Variants in RBFOX3 observed in about 807,000 individuals in gnomAD.
The protein encoded by RBFOX3 is RNA binding fox-1 homolog 3.
In RBFOX3, 17 loss-of-function variants were observed where a neutral mutation model predicts 48.7. The observed-to-expected ratio is 0.35, with a 90% CI of 0.24 to 0.52. The LOEUF (loss-of-function observed/expected upper bound fraction) is 0.52. Among genes scored for constraint, RBFOX3 ranks in the 20% least tolerant of loss-of-function variants. RBFOX3 has a pLI of 0.94. For missense variants in RBFOX3, 382 were observed against 497.5 expected (o/e 0.77, Z 2.21); for synonymous variants, 212 against 209.5 (o/e 1.01, Z -0.10).
chr17:79,426,693 TTTTGTTTG>T (rs200466368), intron 2 of RBFOX3, among the ~76,000 whole-genome samples: 2 of 151,776 alleles, frequency 1.3e-5, no homozygotes, highest in African/African-American at 4.9e-5. Flanking sequence ...GGTGTGTGTT[TTTTGTTTG>T]TTTGTTTGTT....
At chr17:79,401,009 G>A (rs9891627) in intron 2 of RBFOX3, among the ~76,000 whole-genome samples, 8,637 of 152,268 alleles carry the variant, frequency 0.057, 839 homozygotes, top group African/African-American at 0.2. Flanking sequence ...AAAACACGTC[G>A]TCACAACCCT....
chr17:79,536,962 G>A (rs1401446868), intron 1 of RBFOX3, among the ~76,000 whole-genome samples: 4 of 152,116 alleles, frequency 2.6e-5, no homozygotes, highest in Admixed American at 6.5e-5. Flanking sequence ...GCGAGCACCT[G>A]TAATCCCAGC....
intron 11 of RBFOX3, 141 bp from the exon 12 acceptor site, chr17:79,096,974 T>C: frequency 1.7e-6 from 1 of 598,580 alleles, no homozygotes; most frequent in Non-Finnish European, 3.0e-6. Flanking sequence ...CCCCAGGGAA[T>C]GGGAGCAGAG....
chr17:79,629,123 T>G, the RBFOX3 span, among the ~76,000 whole-genome samples: 1 of 152,184 alleles, frequency 6.6e-6, no homozygotes, highest in Non-Finnish European at 1.5e-5. Flanking sequence ...GCCCTGGGTG[T>G]GGAGTTGGGG....
At chr17:79,352,480 T>C (rs2084144956) in intron 2 of RBFOX3, among the ~76,000 whole-genome samples, 1 of 152,208 alleles carries the variant, frequency 6.6e-6, no homozygotes, top group Non-Finnish European at 1.5e-5. Flanking sequence ...GCCTCGGTTC[T>C]TTATGGCAGT....
At chr17:79,631,158 G>C in the RBFOX3 span, among the ~76,000 whole-genome samples, 18,023 of 152,078 alleles carry the variant, frequency 0.12, 2,581 homozygotes, top group African/African-American at 0.34. Context: ...GGTGGGACTC[G>C]CATCAGGACG....
the RBFOX3 span, among the ~76,000 whole-genome samples, chr17:79,633,387 T>TC: frequency 1.3e-5 from 2 of 152,196 alleles, no homozygotes; most frequent in African/African-American, 4.8e-5. Flanking sequence ...GTGCACCCCC[T>TC]CCCCGGGGCG....
In RBFOX3 at chr17:79,361,326, C is replaced by T. The variant is rs113041555; in HGVS notation, c.-174-53502G>A. ...TGCCATCGGGGCTATCTGAGACGCT[C>T]ATCGAGGTGCTTACCCGCTAACAGC... is the stretch of plus-strand genomic sequence containing the variant. On this transcript the variant is annotated intron_variant, in intron 2 of 14. Coordinates refer to ENST00000693108, the MANE Select transcript of RBFOX3 (RefSeq NM_001350451.2). This position sits in a 1 kb window ranked among gnomAD's most constrained non-coding sequence, Gnocchi z 4.5. Among the ~76,000 whole-genome samples, 7 of 152,210 alleles carry T rather than the reference C, an allele frequency of 4.6e-5. No homozygotes were observed. The highest frequency in any genetic ancestry group is 1.2e-4 in the African/African-American group (5 of 41,440).
chr17:79,460,227 C>A (rs7220244), intron 2 of RBFOX3, among the ~76,000 whole-genome samples: 63,704 of 151,874 alleles, frequency 0.42, 13,349 homozygotes, highest in Admixed American at 0.45. Context: ...TGAATCGCAC[C>A]CTTTGAATCA....
At position 79,252,433 on chromosome 17, in the gene RBFOX3, G is replaced by A. The variant is rs896106994; in HGVS notation, c.-73-16628C>T. Reference sequence around the variant, plus strand: ...CCGTCCAAGTGAGCAAGTCAGCTGGGGTCCACTCTGACCCTCCCTCTCTTC... The same window carrying A: ...CCGTCCAAGTGAGCAAGTCAGCTGGAGTCCACTCTGACCCTCCCTCTCTTC... On this transcript the variant is annotated intron_variant, in intron 3 of 14. Transcript: ENST00000693108. The surrounding 1 kb of genome is among the most constrained non-coding windows in gnomAD (Gnocchi z 4.0). 1.3e-5 allele frequency among the ~76,000 whole-genome samples: 2 copies of A among 152,060 alleles called. No individual in the cohort carries two copies. The highest frequency in any genetic ancestry group is 4.8e-5 in the African/African-American group (2 of 41,408).
chr17:79,279,605 C>G (rs1386652918), intron 3 of RBFOX3, among the ~76,000 whole-genome samples: 2 of 152,226 alleles, frequency 1.3e-5, no homozygotes, highest in Non-Finnish European at 2.9e-5. Context: ...TCACCCTGTC[C>G]TGTCCAGCTA....
rs1215350808 is a variant in RBFOX3 at position 79,477,205 on chromosome 17, C to T, written c.-175+5249G>A. Among the ~76,000 whole-genome samples, 1 of 147,136 alleles carries T rather than the reference C, an allele frequency of 6.8e-6. No homozygotes were observed. The highest frequency in any genetic ancestry group is 1.5e-5 in the Non-Finnish European group (1 of 67,284). ...CTGAGATCGCGCCACTGCACTCCAG[C>T]CTGGGTGAAAGAGCAAGGCTCCGTT... On this transcript the variant is annotated intron_variant, in intron 2 of 14. Transcript: ENST00000693108. The surrounding 1 kb of genome is among the most constrained non-coding windows in gnomAD (Gnocchi z 4.8).
intron 3 of RBFOX3, among the ~76,000 whole-genome samples, chr17:79,294,590 A>ACGCCCC (rs1239192403): frequency 6.6e-6 from 1 of 152,130 alleles, no homozygotes; most frequent in East Asian, 1.9e-4. Context: ...GTGAGCCACC[A>ACGCCCC]CGCCCCGCTA....
intron 3 of RBFOX3, among the ~76,000 whole-genome samples, chr17:79,296,801 T>TTA (rs1374789946): frequency 9.9e-6 from 1 of 100,540 alleles, no homozygotes; most frequent in African/African-American, 4.6e-5. Context: ...CCCTCCTCTT[T>TTA]TCCTCCTCCC....
intron 12 of RBFOX3, 112 bp downstream of exon 12, chr17:79,096,541 G>GTGGGATGGGA: frequency 1.1e-6 from 1 of 942,794 alleles, no homozygotes; most frequent in East Asian, 2.6e-5. Context: ...GGCTTCAAGG[G>GTGGGATGGGA]TGGGATGGGA....
intron 2 of RBFOX3, among the ~76,000 whole-genome samples, chr17:79,413,393 A>G (rs12939356): frequency 2.0e-5 from 3 of 152,202 alleles, no homozygotes; most frequent in African/African-American, 7.2e-5. Context: ...CTGCATCCAG[A>G]GGCTTTCTGA....
intron 1 of RBFOX3, among the ~76,000 whole-genome samples, chr17:79,581,707 G>A (rs2093066152): frequency 6.6e-6 from 1 of 152,260 alleles, no homozygotes; most frequent in Non-Finnish European, 1.5e-5. Context: ...ACAGCCAGGG[G>A]CTGGAGGAGG....
At chr17:79,538,941 T>C (rs2150150367) in intron 1 of RBFOX3, among the ~76,000 whole-genome samples, 1 of 152,282 alleles carries the variant, frequency 6.6e-6, no homozygotes, top group African/African-American at 2.4e-5. Flanking sequence ...AACAGGCTGT[T>C]CACATAAATA....
chr17:79,146,944 A>T (rs1448939896), intron 4 of RBFOX3, among the ~76,000 whole-genome samples: 1 of 152,192 alleles, frequency 6.6e-6, no homozygotes, highest in Admixed American at 6.5e-5. Flanking sequence ...TTAGCAAAAC[A>T]TGATCAAAAC....
Sources: allele counts gnomAD v4.1 joint callset (sites outside exome capture counted in the v4.1 genomes callset), GRCh38; gene constraint gnomAD v4.1.1; non-coding constraint Gnocchi (gnomAD v3.1); transcripts MANE v1.5; gene names NCBI Gene and HGNC (gene_info 2026-07-23, HGNC 2026-07-21).